The following ZMAT4 variants were observed in gnomAD, a reference collection of about 807,000 sequenced individuals.
ZMAT4 encodes the protein zinc finger matrin-type 4, also known as zinc finger matrin-type protein 4.
Under a neutral mutation model 28.7 loss-of-function variants are expected in ZMAT4, and 17 were observed. The observed-to-expected ratio is 0.59, with a 90% CI of 0.41 to 0.89. The LOEUF (loss-of-function observed/expected upper bound fraction) is 0.89. Ranked by LOEUF, ZMAT4 falls within the 40% of genes least tolerant of loss-of-function variation. ZMAT4 has a pLI of 0.00. For synonymous variants in ZMAT4, 117 were observed against 109.2 expected (o/e 1.07, Z -0.44); for missense variants, 240 against 283.8 (o/e 0.85, Z 1.11).
chr8:40,580,148 G>T (rs560238398), intron 6 of ZMAT4, among the ~76,000 whole-genome samples: 20 of 151,770 alleles, frequency 1.3e-4, no homozygotes, highest in African/African-American at 4.6e-4. Flanking sequence ...GAGTAGCTAG[G>T]ACTACAGGCA....
intron 6 of ZMAT4, among the ~76,000 whole-genome samples, chr8:40,556,478 A>G (rs1039459470): frequency 2.0e-5 from 3 of 152,062 alleles, no homozygotes; most frequent in Non-Finnish European, 2.9e-5. Flanking sequence ...CCCTCTCTCC[A>G]ACTTAACAGT....
intron 3 of ZMAT4, among the ~76,000 whole-genome samples, chr8:40,732,831 CT>C (rs1356116741): frequency 4.3e-5 from 6 of 140,944 alleles, no homozygotes; most frequent in African/African-American, 1.6e-4. Flanking sequence ...TGAGCAAGAC[CT>C]CCTTTTTTTT....
At chr8:40,757,083 CA>C (rs1345804211) in intron 3 of ZMAT4, among the ~76,000 whole-genome samples, 4 of 152,072 alleles carry the variant, frequency 2.6e-5, no homozygotes, top group Non-Finnish European at 4.4e-5. Context: ...AAATCGACAA[CA>C]AAAAGCACAG....
intron 1 of ZMAT4, among the ~76,000 whole-genome samples, chr8:40,840,796 C>T (rs1816672811): frequency 6.6e-6 from 1 of 152,208 alleles, no homozygotes; most frequent in East Asian, 1.9e-4. Flanking sequence ...GGTTCCCATT[C>T]TTTTGATCTC....
At position 40,684,150 on chromosome 8, in the gene ZMAT4, C is replaced by T. The variant is rs562917752; in HGVS notation, c.350-9219G>A. On this transcript the variant is annotated intron_variant, in intron 4 of 6. Transcript: ENST00000297737. Reference sequence around the variant, plus strand: ...TTGACCTAGCTATTTAATAAACTTACGTATTAGGCATTTCTTTCGTCCTAA... The same window carrying T: ...TTGACCTAGCTATTTAATAAACTTATGTATTAGGCATTTCTTTCGTCCTAA... 2.4e-4 allele frequency among the ~76,000 whole-genome samples: 37 copies of T among 151,718 alleles called. No individual in the cohort carries two copies. The East Asian group carries it at 3.9e-3, about 16-fold the overall frequency.
At chr8:40,749,415 C>T (rs942179958) in intron 3 of ZMAT4, among the ~76,000 whole-genome samples, 2 of 152,168 alleles carry the variant, frequency 1.3e-5, no homozygotes, top group South Asian at 2.1e-4. Context: ...ATTCAGCTAG[C>T]AGGAACTGGA....
At chr8:40,769,584 C>T (rs910303949) in intron 2 of ZMAT4, among the ~76,000 whole-genome samples, 2 of 152,124 alleles carry the variant, frequency 1.3e-5, no homozygotes, top group South Asian at 2.1e-4. Context: ...TGATAAAGCA[C>T]GCAGACGATA....
chr8:40,771,954 G>A (rs1013277107), intron 2 of ZMAT4, among the ~76,000 whole-genome samples: 1 of 152,140 alleles, frequency 6.6e-6, no homozygotes, highest in African/African-American at 2.4e-5. Flanking sequence ...AAACTGCCAA[G>A]TGAAAAGAAC....
intron 2 of ZMAT4, among the ~76,000 whole-genome samples, chr8:40,773,203 G>A (rs1813453776): frequency 6.6e-6 from 1 of 152,196 alleles, no homozygotes; most frequent in African/African-American, 2.4e-5. Context: ...TACCTAGAAT[G>A]AATGATGGGT....
At chr8:40,888,186 T>G (rs1347063795) in intron 1 of ZMAT4, among the ~76,000 whole-genome samples, 1 of 152,156 alleles carries the variant, frequency 6.6e-6, no homozygotes, top group East Asian at 1.9e-4. Flanking sequence ...TCCACACCCC[T>G]CCTTCTCCAG....
intron 2 of ZMAT4, among the ~76,000 whole-genome samples, chr8:40,818,100 C>G (rs1390773614): frequency 2.6e-5 from 4 of 152,194 alleles, no homozygotes; most frequent in African/African-American, 7.2e-5. Context: ...AACAACTGCT[C>G]TTAGCCGTGT....
intron 3 of ZMAT4, among the ~76,000 whole-genome samples, chr8:40,710,301 A>G (rs1323888593): frequency 6.6e-6 from 1 of 152,210 alleles, no homozygotes; most frequent in Non-Finnish European, 1.5e-5. Flanking sequence ...TATGCACAAT[A>G]TTATTGGATA....
intron 3 of ZMAT4, among the ~76,000 whole-genome samples, chr8:40,728,667 G>A (rs1811407182): frequency 6.6e-6 from 1 of 152,188 alleles, no homozygotes; most frequent in South Asian, 2.1e-4. Context: ...GAGAGAGTCA[G>A]GAAGGCACAT....
intron 2 of ZMAT4, among the ~76,000 whole-genome samples, chr8:40,819,488 G>A (rs906088981): frequency 2.0e-5 from 3 of 151,898 alleles, no homozygotes; most frequent in East Asian, 1.9e-4. Flanking sequence ...CCTAGCCTGT[G>A]CATCCCCTGT....
chr8:40,542,376 T>C (rs1563332724), intron 6 of ZMAT4, among the ~76,000 whole-genome samples: 1 of 151,902 alleles, frequency 6.6e-6, no homozygotes, highest in Non-Finnish European at 1.5e-5. Context: ...TTTAATTTTG[T>C]TTTATTTATT....
At chr8:40,596,325 TAATA>T (rs1405075219) in intron 5 of ZMAT4, among the ~76,000 whole-genome samples, 11 of 152,226 alleles carry the variant, frequency 7.2e-5, no homozygotes, top group African/African-American at 2.7e-4. Flanking sequence ...TTTGCTTCAA[TAATA>T]AATCAACTTC....
At chr8:40,650,529 T>C (rs371417242) in intron 5 of ZMAT4, among the ~76,000 whole-genome samples, 1 of 132,534 alleles carries the variant, frequency 7.5e-6, no homozygotes, top group African/African-American at 2.7e-5. Flanking sequence ...CCTTCTGAAA[T>C]TATTCCAATC....
At chr8:40,824,498 A>G (rs1418484405) in intron 2 of ZMAT4, among the ~76,000 whole-genome samples, 1 of 152,064 alleles carries the variant, frequency 6.6e-6, no homozygotes, top group Non-Finnish European at 1.5e-5. Context: ...AAAGAAATTC[A>G]TGTTCCTACT....
chr8:40,566,093 G>T (rs551880922), intron 6 of ZMAT4, among the ~76,000 whole-genome samples: 1 of 152,236 alleles, frequency 6.6e-6, no homozygotes, highest in South Asian at 2.1e-4. Context: ...GAGTGGGTGG[G>T]TCACTTAATA....
Sources: allele counts gnomAD v4.1 joint callset (sites outside exome capture counted in the v4.1 genomes callset), GRCh38; gene constraint gnomAD v4.1.1; transcripts MANE v1.5; gene names NCBI Gene and HGNC (gene_info 2026-07-23, HGNC 2026-07-21).